PAAF1: variants seen among roughly 807,000 people sequenced by gnomAD.
PAAF1 encodes proteasomal ATPase associated factor 1.
PAAF1 carries 46 observed loss-of-function variants against 52.8 expected under a neutral mutation model. The ratio of observed to expected loss-of-function variants is 0.87; its 90% CI spans 0.69 to 1.11. The LOEUF is 1.11. Among genes scored for constraint, PAAF1 ranks in the 50% most tolerant of loss-of-function variants. The probability of loss-of-function intolerance (pLI) is 0.00; values close to 1 mark genes in which losing one functional copy is unlikely to be tolerated. For synonymous variants in PAAF1, 178 were observed against 172.8 expected (o/e 1.03, Z -0.24); for missense variants, 424 against 477.4 (o/e 0.89, Z 1.04).
rs200754781 is a variant in PAAF1 at position 73,909,417 on chromosome 11, T to A, written c.551T>A (p.Ile184Asn). The change falls in exon 7 of 12, where the codon ATC (isoleucine) becomes AAC (asparagine). Residue 184 changes from isoleucine to asparagine, a missense_variant. By Grantham distance (149) the Ile-to-Asn change is moderately radical. Coordinates refer to ENST00000310571, the MANE Select transcript of PAAF1 (RefSeq NM_025155.3). ...TTGCTAGGTATCCTGGATACAGCCA[T>A]CGTTGATCGGGGGAGGAATGTGGTG... ...GHKGGILDTAIVDRGRNVVSA... is the reference protein window; with the variant it reads ...GHKGGILDTANVDRGRNVVSA... 294 of 1,614,006 alleles carry A rather than the reference T, an allele frequency of 1.8e-4. 1 individual carries two copies. The East Asian group carries it at 6.3e-3, about 35-fold the overall frequency.
At chr11:73,883,156 C>T (rs188692490) in intron 2 of PAAF1, among the ~76,000 whole-genome samples, 54 of 152,182 alleles carry the variant, frequency 3.5e-4, no homozygotes, top group Admixed American at 1.7e-3. Context: ...CATGGGGTCT[C>T]GCTGTGTTTC....
intron 9 of PAAF1, 77 bp downstream of exon 9, chr11:73,916,737 C>A: frequency 1.1e-6 from 1 of 948,084 alleles, no homozygotes; most frequent in Non-Finnish European, 1.6e-6. Context: ...TTGATTTAGC[C>A]TAGCATATAG....
intron 2 of PAAF1, 35 bp from the exon 3 acceptor site, chr11:73,887,319 T>C (rs1949088168): frequency 2.0e-6 from 3 of 1,504,662 alleles, no homozygotes; most frequent in African/African-American, 1.4e-5. Context: ...AAATTTTTCT[T>C]ATTTTTTGAG....
chr11:73,894,634 TAAAAA>T (rs74818755), intron 4 of PAAF1, among the ~76,000 whole-genome samples: 1 of 147,970 alleles, frequency 6.8e-6, no homozygotes, highest in Admixed American at 6.8e-5. Flanking sequence ...AGTATAATAA[TAAAAA>T]AAAATCTACT....
chr11:73,877,258 G>A (rs1948767573), intron 1 of PAAF1, 190 bp downstream of exon 1: 1 of 483,316 alleles, frequency 2.1e-6, no homozygotes, highest in Non-Finnish European at 3.4e-6. Context: ...CTATCCCTAG[G>A]CCAAGGGAGC....
intron 2 of PAAF1, chr11:73,879,634 G>A (rs549112213): frequency 1.3e-5 from 2 of 152,232 alleles, no homozygotes; most frequent in East Asian, 3.9e-4. Context: ...GGGAAGCTGA[G>A]GCAGGAGGAT....
chr11:73,889,599 A>G (rs1209397721), intron 3 of PAAF1, among the ~76,000 whole-genome samples: 1 of 152,260 alleles, frequency 6.6e-6, no homozygotes, highest in African/African-American at 2.4e-5. Flanking sequence ...GGAGAAAAGT[A>G]CTGATTATTG....
At chr11:73,898,166 G>A (rs1457788861) in intron 4 of PAAF1, among the ~76,000 whole-genome samples, 2 of 147,210 alleles carry the variant, frequency 1.4e-5, no homozygotes, top group Admixed American at 6.7e-5. Flanking sequence ...GGGAGACCGT[G>A]GAAAGAGAGG....
chr11:73,885,842 C>CAA (rs371468192), intron 2 of PAAF1, among the ~76,000 whole-genome samples: 2,697 of 82,310 alleles, frequency 0.033, 80 homozygotes, highest in African/African-American at 0.086. Flanking sequence ...AACTCCATCT[C>CAA]AAAAAAAAAA....
chr11:73,883,188 C>G (rs1464288030), intron 2 of PAAF1, among the ~76,000 whole-genome samples: 1 of 151,902 alleles, frequency 6.6e-6, no homozygotes, highest in East Asian at 1.9e-4. Context: ...ATTTGAACTC[C>G]TGGTCTCCAG....
At chr11:73,922,304 G>A in intron 10 of PAAF1, 3 of 464,202 alleles carry the variant, frequency 6.5e-6, no homozygotes, top group Non-Finnish European at 1.2e-5. Context: ...AAAGGCAAAG[G>A]GAGTAAGATT....
chr11:73,889,365 C>T (rs1292601557), intron 3 of PAAF1: 1 of 559,720 alleles, frequency 1.8e-6, no homozygotes, highest in Non-Finnish European at 2.7e-6. Flanking sequence ...AAATGTCTAA[C>T]CCTGGAGCAT....
chr11:73,878,682 C>A, intron 1 of PAAF1, 97 bp from the exon 2 acceptor site: 1 of 1,061,468 alleles, frequency 9.4e-7, no homozygotes, highest in Non-Finnish European at 1.4e-6. Flanking sequence ...GTACTATGAC[C>A]AAGCTGGAGG....
chr11:73,926,799 G>A (rs547326243), intron 11 of PAAF1, among the ~76,000 whole-genome samples: 13 of 152,272 alleles, frequency 8.5e-5, no homozygotes, highest in South Asian at 8.3e-4. Flanking sequence ...GGGCCTGGGG[G>A]GTTGAGAAAG....
intron 2 of PAAF1, chr11:73,879,232 G>T (rs1023725704): frequency 2.0e-5 from 3 of 152,728 alleles, no homozygotes; most frequent in African/African-American, 7.2e-5. Flanking sequence ...GTCACCTTAA[G>T]TTACTGGACT....
intron 1 of PAAF1, 108 bp from the exon 2 acceptor site, chr11:73,878,671 A>T (rs923272859): frequency 1.1e-6 from 1 of 876,936 alleles, no homozygotes; most frequent in Non-Finnish European, 1.9e-6. Context: ...CTCATGTCTA[A>T]GTACTATGAC....
chr11:73,924,483 C>T (rs1311066430), intron 10 of PAAF1, 132 bp from the exon 11 acceptor site: 2 of 711,230 alleles, frequency 2.8e-6, no homozygotes, highest in East Asian at 5.4e-5. Flanking sequence ...GTAATAAGAT[C>T]TATTTGCCAT....
intron 4 of PAAF1, among the ~76,000 whole-genome samples, chr11:73,894,972 A>G (rs1288163486): frequency 6.6e-6 from 1 of 152,248 alleles, no homozygotes; most frequent in Admixed American, 6.5e-5. Flanking sequence ...TGACAGAGTG[A>G]GACCATGTCT....
At chr11:73,908,424 T>C (rs921097173) in intron 6 of PAAF1, among the ~76,000 whole-genome samples, 1 of 150,264 alleles carries the variant, frequency 6.7e-6, no homozygotes, top group Non-Finnish European at 1.5e-5. Context: ...TGTATATATA[T>C]ATATGGGTCT....
Sources: gnomAD v4.1 joint callset for allele counts (sites outside exome capture counted in the v4.1 genomes callset) on GRCh38, gnomAD v4.1.1 for gene constraint, MANE v1.5 for transcripts, NCBI Gene and HGNC (gene_info 2026-07-23, HGNC 2026-07-21) for gene names.